STARD13: variants seen among roughly 807,000 people sequenced by gnomAD.
STARD13 encodes the protein StAR related lipid transfer domain containing 13, also known as stAR-related lipid transfer protein 13.
Under a neutral mutation model 106.4 loss-of-function variants are expected in STARD13, and 62 were observed. The observed-to-expected ratio is 0.58, with a 90% CI of 0.48 to 0.72. The LOEUF (loss-of-function observed/expected upper bound fraction) is 0.72, where lower values mean the gene tolerates loss of function less well. Among genes scored for constraint, STARD13 ranks in the 30% least tolerant of loss-of-function variants. The pLI is 0.00. For synonymous variants in STARD13, 565 were observed against 553.0 expected, an observed-to-expected ratio of 1.02 and a Z score of -0.31; for missense variants, 1,387 against 1,424.0, an observed-to-expected ratio of 0.97 and a Z score of 0.42.
At chr13:33,307,411 A>C (rs1646160403) in intron 1 of STARD13, among the ~76,000 whole-genome samples, 1 of 152,234 alleles carries the variant, frequency 6.6e-6, no homozygotes, top group Admixed American at 6.5e-5. Context: ...AATTAACCCA[A>C]ATGTCCATCA....
At chr13:33,439,682 G>A in the STARD13 span, 1 of 1,260,678 alleles carries the variant, frequency 7.9e-7, no homozygotes, top group African/African-American at 1.5e-5. Context: ...TTTTCTCAGG[G>A]AGACTTACCC....
At chr13:33,139,009 G>A in intron 4 of STARD13, 4 of 333,420 alleles carry the variant, frequency 1.2e-5, no homozygotes, top group South Asian at 4.9e-5. Context: ...ACCTATTTGT[G>A]GACTTTTCAC....
chr13:33,638,539 G>T, the STARD13 span, among the ~76,000 whole-genome samples: 1 of 152,140 alleles, frequency 6.6e-6, no homozygotes, highest in East Asian at 1.9e-4. Context: ...TAAGATAAGG[G>T]ATTGTAGAGA....
chr13:33,577,834 A>G, the STARD13 span, among the ~76,000 whole-genome samples: 1 of 152,184 alleles, frequency 6.6e-6, no homozygotes, highest in Non-Finnish European at 1.5e-5. Context: ...AAGCCAAAGC[A>G]AAATCCATGA....
chr13:33,354,164 A>G (rs1323844397), upstream of STARD13, among the ~76,000 whole-genome samples: 3 of 151,892 alleles, frequency 2.0e-5, no homozygotes, highest in South Asian at 4.2e-4. Flanking sequence ...ATCTTCCCCC[A>G]CTTCTCTATC....
intron 1 of STARD13, among the ~76,000 whole-genome samples, chr13:33,174,840 C>A (rs1884344009): frequency 6.6e-6 from 1 of 152,148 alleles, no homozygotes; most frequent in Non-Finnish European, 1.5e-5. Flanking sequence ...TCTCAGTAAT[C>A]ATTTCTGCTC....
chr13:33,439,193 G>A, the STARD13 span, among the ~76,000 whole-genome samples: 1 of 152,196 alleles, frequency 6.6e-6, no homozygotes, highest in South Asian at 2.1e-4. Flanking sequence ...TTGGTTAGCT[G>A]TTAGTTTACA....
chr13:33,485,896 G>C, the STARD13 span, among the ~76,000 whole-genome samples: 3 of 152,130 alleles, frequency 2.0e-5, no homozygotes, highest in African/African-American at 7.2e-5. Context: ...GAATTAGACT[G>C]GGCTAAAATA....
the STARD13 span, among the ~76,000 whole-genome samples, chr13:33,497,839 C>G: frequency 6.6e-6 from 1 of 152,106 alleles, no homozygotes; most frequent in Non-Finnish European, 1.5e-5. Context: ...GCATATACAA[C>G]CCTTGCAACT....
chr13:33,528,257 C>CATATATAT, the STARD13 span, among the ~76,000 whole-genome samples: 9 of 92,896 alleles, frequency 9.7e-5, no homozygotes, highest in African/African-American at 5.9e-4. Context: ...TATATATATA[C>CATATATAT]ATATATATAT....
chr13:33,469,721 T>C, the STARD13 span, among the ~76,000 whole-genome samples: 1 of 151,954 alleles, frequency 6.6e-6, no homozygotes, highest in Non-Finnish European at 1.5e-5. Flanking sequence ...TAAGAGGAAA[T>C]TGACACACAT....
At chr13:33,494,030 A>G in the STARD13 span, among the ~76,000 whole-genome samples, 1 of 148,242 alleles carries the variant, frequency 6.7e-6, no homozygotes, top group Non-Finnish European at 1.5e-5. Context: ...TGTGTTCATC[A>G]AGATACCTGA....
At chr13:33,379,115 A>G in the STARD13 span, among the ~76,000 whole-genome samples, 1 of 152,162 alleles carries the variant, frequency 6.6e-6, no homozygotes, top group Non-Finnish European at 1.5e-5. Context: ...ATCTCAAAAT[A>G]AAAAAACAAG....
upstream of STARD13, chr13:33,350,667 A>T (rs2078069217): frequency 8.3e-7 from 1 of 1,205,402 alleles, no homozygotes; most frequent in East Asian, 3.9e-5. Flanking sequence ...CTCCTTTCCC[A>T]CTTTCCTTCT....
At chr13:33,119,677 C>T (rs1358231732) in intron 7 of STARD13, among the ~76,000 whole-genome samples, 1 of 152,194 alleles carries the variant, frequency 6.6e-6, no homozygotes, top group Admixed American at 6.5e-5. Context: ...AAACAGAATT[C>T]TTAGTAATAT....
At chr13:33,434,469 C>T in the STARD13 span, among the ~76,000 whole-genome samples, 5 of 151,170 alleles carry the variant, frequency 3.3e-5, no homozygotes, top group East Asian at 1.9e-4. Flanking sequence ...CTGTTTTATA[C>T]ATATAAAGTG....
intron 1 of STARD13, chr13:33,279,427 G>A (rs1891647292): frequency 6.6e-6 from 1 of 152,184 alleles, no homozygotes; most frequent in South Asian, 2.1e-4. Flanking sequence ...GAGAGGGAAA[G>A]ACATTTTAAA....
the STARD13 span, among the ~76,000 whole-genome samples, chr13:33,443,555 A>G: frequency 2.0e-5 from 3 of 152,000 alleles, no homozygotes; most frequent in Non-Finnish European, 4.4e-5. Flanking sequence ...GGAAATCCAA[A>G]TAGAAACTCT....
At chr13:33,174,781 C>T (rs888864429) in intron 1 of STARD13, among the ~76,000 whole-genome samples, 13 of 152,140 alleles carry the variant, frequency 8.5e-5, no homozygotes, top group South Asian at 2.1e-4. Flanking sequence ...TTATCTCAAG[C>T]GGAAACTGTT....
Sources: gnomAD v4.1 joint callset for allele counts (sites outside exome capture counted in the v4.1 genomes callset) on GRCh38, gnomAD v4.1.1 for gene constraint, MANE v1.5 for transcripts, NCBI Gene and HGNC (gene_info 2026-07-23, HGNC 2026-07-21) for gene names.